The following MBD5 variants were observed in gnomAD, a reference collection of about 807,000 sequenced individuals.
MBD5 encodes the protein methyl-CpG binding domain protein 5.
In MBD5, 13 loss-of-function variants were observed where a neutral mutation model predicts 117.3. The ratio of observed to expected loss-of-function variants is 0.11; its 90% confidence interval spans 0.07 to 0.18. The LOEUF (loss-of-function observed/expected upper bound fraction) is 0.18, where lower values mean the gene tolerates loss of function less well. MBD5 is among the 10% of genes least tolerant of loss of function. The pLI, the probability that MBD5 is intolerant of heterozygous loss-of-function variation, is 1.00. For synonymous variants in MBD5, 727 were observed against 766.4 expected, an observed-to-expected ratio of 0.95 and a Z score of 0.85; for missense variants, 1,879 against 2,093.8, an observed-to-expected ratio of 0.90 and a Z score of 2.00.
chr2:148,374,024 A>G (rs970325810), intron 4 of MBD5, among the ~76,000 whole-genome samples: 2 of 152,098 alleles, frequency 1.3e-5, no homozygotes, highest in Non-Finnish European at 2.9e-5. Context: ...AGATTTTCAG[A>G]TTAGGGCTGC....
intron 3 of MBD5, among the ~76,000 whole-genome samples, chr2:148,255,609 G>A (rs1700570098): frequency 6.6e-6 from 1 of 152,190 alleles, no homozygotes; most frequent in Non-Finnish European, 1.5e-5. Context: ...CTGGTTGGAG[G>A]AGGTCATCCT....
At chr2:148,323,514 C>T (rs905127013) in intron 3 of MBD5, among the ~76,000 whole-genome samples, 42 of 152,164 alleles carry the variant, frequency 2.8e-4, no homozygotes, top group African/African-American at 9.4e-4. Flanking sequence ...CCTGTTGTTT[C>T]CTGACTTTTT....
intron 1 of MBD5, among the ~76,000 whole-genome samples, chr2:148,164,956 G>T (rs934688962): frequency 2.0e-5 from 3 of 152,120 alleles, no homozygotes; most frequent in African/African-American, 7.2e-5. Flanking sequence ...AATGTATTCT[G>T]TCCAAAATAT....
chr2:148,438,607 AAT>A (rs1706224374), intron 4 of MBD5, among the ~76,000 whole-genome samples: 1 of 152,144 alleles, frequency 6.6e-6, no homozygotes, highest in Non-Finnish European at 1.5e-5. Context: ...GAACCAAGAG[AAT>A]ATGTATATAG....
chr2:148,404,688 C>T (rs1488825941), intron 4 of MBD5, among the ~76,000 whole-genome samples: 1 of 152,138 alleles, frequency 6.6e-6, no homozygotes, highest in Non-Finnish European at 1.5e-5. Flanking sequence ...TGAGGGACTG[C>T]GCCTTCATTG....
intron 4 of MBD5, among the ~76,000 whole-genome samples, chr2:148,375,793 T>A (rs1372716525): frequency 6.6e-6 from 1 of 152,130 alleles, no homozygotes; most frequent in Non-Finnish European, 1.5e-5. Context: ...GGATCAGATA[T>A]TTCTTTGGGA....
intron 2 of MBD5, among the ~76,000 whole-genome samples, chr2:148,232,332 T>G (rs1187911516): frequency 6.6e-6 from 1 of 152,224 alleles, no homozygotes; most frequent in African/African-American, 2.4e-5. Flanking sequence ...GTCATTCTGT[T>G]GCTCTATAGA....
rs554682634 is a variant in MBD5 at position 148,325,096 on chromosome 2, G to C, written c.-679-17118G>C. 1.1e-4 allele frequency among the ~76,000 whole-genome samples: 16 copies of C among 152,296 alleles called. No homozygotes were observed. The East Asian group carries it at 2.9e-3, about 28-fold the overall frequency. ...TTTCTGCATCTATTGAGATAATCAT[G>C]TGGTTTTTGTCTTTGGTTCTGTTTA... On this transcript the variant is annotated intron_variant, in intron 3 of 13. Transcript: ENST00000642680.
chr2:148,235,088 T>C (rs886687282), intron 3 of MBD5, among the ~76,000 whole-genome samples: 1 of 152,166 alleles, frequency 6.6e-6, no homozygotes, highest in Non-Finnish European at 1.5e-5. Flanking sequence ...CTCACACCTA[T>C]GCTCCTTATA....
intron 2 of MBD5, among the ~76,000 whole-genome samples, chr2:148,215,910 A>G (rs898425098): frequency 1.3e-5 from 2 of 152,102 alleles, no homozygotes; most frequent in African/African-American, 2.4e-5. Context: ...AACTACTTTG[A>G]TAGGATATAA....
intron 3 of MBD5, among the ~76,000 whole-genome samples, chr2:148,273,024 C>T (rs982247707): frequency 6.6e-6 from 1 of 152,144 alleles, no homozygotes; most frequent in Non-Finnish European, 1.5e-5. Context: ...GAAAAATACA[C>T]ATTTGTTCTC....
chr2:148,291,191 T>C (rs185167946), intron 3 of MBD5, among the ~76,000 whole-genome samples: 31 of 152,326 alleles, frequency 2.0e-4, no homozygotes, highest in African/African-American at 7.2e-4. Context: ...CTACGTTCTA[T>C]CAATTTCCAT....
intron 2 of MBD5, among the ~76,000 whole-genome samples, chr2:148,203,798 TAAGC>T (rs918773564): frequency 9.3e-5 from 2 of 21,392 alleles, no homozygotes; most frequent in Non-Finnish European, 5.2e-3. Context: ...CTTGTGATTA[TAAGC>T]AATACCTGTA....
chr2:148,284,048 G>C (rs1174968812), intron 3 of MBD5, among the ~76,000 whole-genome samples: 1 of 152,122 alleles, frequency 6.6e-6, no homozygotes, highest in African/African-American at 2.4e-5. Context: ...CATAGATACA[G>C]ATGTATTTTC....
chr2:148,407,909 C>T (rs1362572313), intron 4 of MBD5, among the ~76,000 whole-genome samples: 1 of 152,040 alleles, frequency 6.6e-6, no homozygotes, highest in Non-Finnish European at 1.5e-5. Flanking sequence ...ATTTTTCTGA[C>T]AAAAACAACC....
intron 2 of MBD5, among the ~76,000 whole-genome samples, chr2:148,205,086 AT>A (rs577244415): frequency 4.0e-5 from 6 of 149,344 alleles, no homozygotes; most frequent in African/African-American, 1.2e-4. Flanking sequence ...TTTTTATTTT[AT>A]TTTTTTTTGA....
intron 11 of MBD5, among the ~76,000 whole-genome samples, chr2:148,492,811 C>A (rs1314293174): frequency 6.6e-6 from 1 of 151,862 alleles, no homozygotes; most frequent in Non-Finnish European, 1.5e-5. Context: ...ATATTAATGG[C>A]CCTAGTTCAG....
chr2:148,448,235 C>T (rs978137829), intron 4 of MBD5, among the ~76,000 whole-genome samples: 1 of 152,096 alleles, frequency 6.6e-6, no homozygotes, highest in Non-Finnish European at 1.5e-5. Context: ...ATTATATGCT[C>T]TTTGGGCTCC....
intron 1 of MBD5, among the ~76,000 whole-genome samples, chr2:148,078,946 A>G (rs1164142846): frequency 6.6e-6 from 1 of 152,214 alleles, no homozygotes. Context: ...GACAAGTGCT[A>G]CAGACTGGAA....
Sources: gnomAD v4.1 joint callset for allele counts (sites outside exome capture counted in the v4.1 genomes callset) on GRCh38, gnomAD v4.1.1 for gene constraint, MANE v1.5 for transcripts, NCBI Gene and HGNC (gene_info 2026-07-23, HGNC 2026-07-21) for gene names.